Variants in RAP1GAP observed in about 807,000 individuals in gnomAD.
The protein encoded by RAP1GAP is RAP1 GTPase activating protein.
In RAP1GAP, 35 loss-of-function variants were observed where a neutral mutation model predicts 87.2. The ratio of observed to expected loss-of-function variants is 0.40; its 90% CI spans 0.31 to 0.53. The LOEUF (loss-of-function observed/expected upper bound fraction) is 0.53, where lower values mean the gene tolerates loss of function less well. RAP1GAP is among the 20% of genes least tolerant of loss of function. The pLI is 0.48. For synonymous variants in RAP1GAP, 375 were observed against 363.9 expected (o/e 1.03, Z -0.35); for missense variants, 734 against 898.9 (o/e 0.82, Z 2.35).
Position 21,622,513 on chromosome 1 carries a change from A to T in RAP1GAP, c.-18-2463T>A, listed in dbSNP as rs867358844. On this transcript the variant is annotated intron_variant, in intron 3 of 24. Transcript: ENST00000374765. This position sits in a 1 kb window ranked among gnomAD's most constrained non-coding sequence, Gnocchi z 5.7. ...CCCGGGTCCGGGCCCCGCAGCGCTG[A>T]GCTCCGCGCTCCCGGCTCCCGGCGG... The T allele has an allele frequency of 6.7e-3, 1,013 of 150,876 alleles. 4 individuals carry two copies. The highest frequency in any genetic ancestry group is 0.02 in the Middle Eastern group (6 of 300). 9.3% of individuals were successfully genotyped at this position (150,876 alleles called of 1,614,324 possible). A position where few individuals can be genotyped will look rare whatever the true frequency, so the allele number is the denominator to read the frequency against.
chr1:21,597,376 G>A (rs575694279), intron 24 of RAP1GAP, 112 bp from the exon 25 acceptor site: 18 of 297,992 alleles, frequency 6.0e-5, no homozygotes, highest in African/African-American at 3.4e-4. Context: ...ACCCTGGGAG[G>A]GGCCCACCCT....
intron 2 of RAP1GAP, among the ~76,000 whole-genome samples, chr1:21,639,168 C>T (rs1037353377): frequency 1.3e-4 from 20 of 152,240 alleles, no homozygotes; most frequent in Admixed American, 1.0e-3. Context: ...GCTCCTAGCG[C>T]GGGCTCCATG....
At chr1:21,645,420 T>C (rs2095950305) in intron 2 of RAP1GAP, among the ~76,000 whole-genome samples, 2 of 151,554 alleles carry the variant, frequency 1.3e-5, no homozygotes, top group Non-Finnish European at 2.9e-5. Context: ...GTCGAGGCTG[T>C]AGTGAGCTGA....
Position 21,605,509 on chromosome 1 carries a change from G to A in RAP1GAP, c.1428+557C>T, listed in dbSNP as rs564531681. On this transcript the variant is annotated intron_variant, in intron 18 of 24. Transcript: ENST00000374765. ...GCCCAGGGCTGCGCACACAGTAGGC[G>A]CTCACAGAGTTGATGCCCACACAGC... Among the ~76,000 whole-genome samples, 4 of 152,102 alleles carry A rather than the reference G, an allele frequency of 2.6e-5. No individual in the cohort carries two copies. The South Asian group carries it at 6.2e-4, about 24-fold the overall frequency.
chr1:21,669,131 C>T lies in RAP1GAP; in HGVS notation c.-149+123G>A, dbSNP rs1485772475. 1 of 1,072,080 alleles carries T rather than the reference C, an allele frequency of 9.3e-7. No individual in the cohort carries two copies. 66.4% of individuals were successfully genotyped at this position (1,072,080 alleles called of 1,614,324 possible). On this transcript the variant is annotated intron_variant, in intron 1 of 24. Transcript: ENST00000374765. This position sits in a 1 kb window ranked among gnomAD's most constrained non-coding sequence, Gnocchi z 5.6. ...CCCCTGGAGACCCGGGTCCCCCACG[C>T]GTTCGCCCCCACCCTCCGTCCCCGC...
At chr1:21,608,183 C>G (rs2149172103) in intron 17 of RAP1GAP, 30 bp downstream of exon 17, 1 of 1,611,312 alleles carries the variant, frequency 6.2e-7, no homozygotes, top group East Asian at 2.2e-5. Flanking sequence ...CGTCCCTGCT[C>G]CCCGGCCAGT....
rs148140076 is a variant in RAP1GAP, at chr1:21,608,325, T to C, written c.1184A>G (p.Glu395Gly). 4.6e-5 allele frequency: 75 copies of C among 1,613,380 alleles called. No individual in the cohort carries two copies. In the African/African-American group the frequency reaches 9.2e-4, roughly 20 times the overall value. The stretch of plus-strand genomic sequence containing the variant: ...GATGTGTAGTTCCTCATAGAGCGTC[T>C]CCAGGAGGGCGGCCCGCGTCCGCTC... Reference protein sequence around the residue: ...LEERTRAALLETLYEELHIHS... With the variant: ...LEERTRAALLGTLYEELHIHS... The change falls in exon 17 of 25, where the codon GAG becomes GGG. Residue 395 changes from glutamate (E) to glycine (G), a missense_variant. Coordinates refer to ENST00000374765, the MANE Select transcript of RAP1GAP (RefSeq NM_002885.4).
chr1:21,618,543 G>A (rs1246883311), intron 5 of RAP1GAP, among the ~76,000 whole-genome samples: 1 of 152,106 alleles, frequency 6.6e-6, no homozygotes. Context: ...ACCAGTGGCT[G>A]GGGGGCACCC....
rs952452768 is a variant in RAP1GAP at position 21,656,475 on chromosome 1, C to T, written c.-148-6679G>A. ...AAAAAGACCTAACAACGGAAAGATA[C>T]ATTTGCCTTGAGAGAATTCTGCTAG... On this transcript the variant is annotated intron_variant, in intron 1 of 24. Transcript: ENST00000374765. 2.8e-5 allele frequency among the ~76,000 whole-genome samples: 4 copies of T among 142,770 alleles called. No homozygotes were observed. In the East Asian group the frequency reaches 8.0e-4, roughly 29 times the overall value. The allele number at this position is 142,770 out of a possible 152,430, so 93.7% of individuals were successfully genotyped here.
chr1:21,626,984 G>C (rs1209086805), intron 2 of RAP1GAP: 1 of 456,592 alleles, frequency 2.2e-6, no homozygotes, highest in Non-Finnish European at 4.4e-6. Flanking sequence ...CGGCTGGCCG[G>C]CAGCAAAGCT....
intron 20 of RAP1GAP, 150 bp from the exon 21 acceptor site, chr1:21,599,767 C>G (rs1204186267): frequency 9.4e-7 from 1 of 1,061,864 alleles, no homozygotes; most frequent in Admixed American, 3.0e-5. Context: ...GGCCTCTGAG[C>G]CCCCCAGACT....
intron 19 of RAP1GAP, 37 bp from the exon 20 acceptor site, chr1:21,601,834 C>G (rs558005266): frequency 2.7e-6 from 4 of 1,466,630 alleles, no homozygotes; most frequent in East Asian, 4.6e-5. Flanking sequence ...GGATTCAGCA[C>G]CAGGCCTGGC....
In RAP1GAP at chr1:21,597,997, G is replaced by T; in HGVS notation, c.1947C>A (p.Ile649=). Reference sequence around the variant, plus strand: ...TGTGCTGCTCAGATGCTTCCAGCTGGATCTTGATCTCGGGACACGCAGGGT... The same window carrying T: ...TGTGCTGCTCAGATGCTTCCAGCTGTATCTTGATCTCGGGACACGCAGGGT... ...LGDPACPEIK[I]QLEASEQHMP... is the part of the protein sequence containing the mutation. Residue 649 remains isoleucine (I), a synonymous_variant, in exon 23 of 25, where the codon ATC becomes ATA. Coordinates refer to ENST00000374765, the MANE Select transcript of RAP1GAP (RefSeq NM_002885.4). 1.3e-6 allele frequency: 2 copies of T among 1,580,032 alleles called. No individual in the cohort carries two copies. Among genetic ancestry groups the T allele is most frequent in the Non-Finnish European group, 1.7e-6 (2 of 1,164,004 alleles).
rs1001634441 is a variant in RAP1GAP, at chr1:21,596,596, G to A, written c.*703C>T. ...ACCTGTGGCAGAACTGGAGGGTCCA[G>A]GAGGCATACTGGGCACAGCCGGCTC... On this transcript the variant is annotated 3_prime_UTR_variant, in exon 25 of 25. Coordinates refer to ENST00000374765, the MANE Select transcript of RAP1GAP (RefSeq NM_002885.4). 1 of 152,416 alleles carries A rather than the reference G, an allele frequency of 6.6e-6. No homozygotes were observed. The highest frequency in any genetic ancestry group is 2.1e-4 in the South Asian group (1 of 4,842). The allele number at this position is 152,416 out of a possible 1,614,324, so 9.4% of individuals were successfully genotyped here.
intron 11 of RAP1GAP, 50 bp downstream of exon 11, chr1:21,611,976 C>T: frequency 6.7e-7 from 1 of 1,496,500 alleles, no homozygotes; most frequent in Non-Finnish European, 9.2e-7. Context: ...GTGTGAGGCT[C>T]CAGATATGGG....
rs373868217 is a variant in RAP1GAP, at chr1:21,602,833, G to A, written c.1509C>T (p.Ile503=). The A allele has an allele frequency of 9.5e-5, 153 of 1,610,074 alleles. No homozygotes were observed. Among genetic ancestry groups the A allele is most frequent in the Non-Finnish European group, 1.2e-4 (141 of 1,179,628 alleles). Residue 503 remains isoleucine, a synonymous_variant, in exon 19 of 25, where the codon ATC becomes ATT. Coordinates refer to ENST00000374765, the MANE Select transcript of RAP1GAP (RefSeq NM_002885.4). The part of the protein sequence containing the change: ...FGSRRSSAIG[I]ENIQEVQEKR... The stretch of plus-strand genomic sequence containing the variant: ...TCTCCTGCACCTCCTGTATGTTCTC[G>A]ATGCCAATGGCGCTGCTGCGGCGGG...
At position 21,609,728 on chromosome 1, in the gene RAP1GAP, C is replaced by G; in HGVS notation, c.1000-82G>C. ...CCAGCCAGAAACCCCTACTGTGCCTCCCTGGACTGCCCCTTGGTCGGGGAG... is the reference window on the plus strand; with the variant it reads ...CCAGCCAGAAACCCCTACTGTGCCTGCCTGGACTGCCCCTTGGTCGGGGAG... On this transcript the variant is annotated intron_variant, in intron 14 of 24. Coordinates refer to ENST00000374765, the MANE Select transcript of RAP1GAP (RefSeq NM_002885.4). This position sits in a 1 kb window ranked among gnomAD's most constrained non-coding sequence, Gnocchi z 4.4. 9.7e-7 allele frequency: 1 copy of G among 1,035,160 alleles called. No homozygotes were observed. The highest frequency in any genetic ancestry group is 1.4e-6 in the Non-Finnish European group (1 of 728,570). The allele number at this position is 1,035,160 out of a possible 1,614,324, so 64.1% of individuals were successfully genotyped here. A position where few individuals can be genotyped will look rare whatever the true frequency, so the allele number is the denominator to read the frequency against.
intron 3 of RAP1GAP, among the ~76,000 whole-genome samples, chr1:21,621,526 C>G (rs146500304): frequency 7.2e-5 from 11 of 152,330 alleles, no homozygotes; most frequent in Non-Finnish European, 1.6e-4. Context: ...CACAGGAGTC[C>G]ATAGGACACC....
chr1:21,608,587 C>T (rs2076279126), intron 16 of RAP1GAP, among the ~76,000 whole-genome samples: 1 of 151,066 alleles, frequency 6.6e-6, no homozygotes, highest in Non-Finnish European at 1.5e-5. Context: ...TTCATGTCCC[C>T]ACCCCCCAGG....
Sources: allele counts gnomAD v4.1 joint callset (sites outside exome capture counted in the v4.1 genomes callset), GRCh38; gene constraint gnomAD v4.1.1; non-coding constraint Gnocchi (gnomAD v3.1); transcripts MANE v1.5; gene names NCBI Gene and HGNC (gene_info 2026-07-23, HGNC 2026-07-21).